CNBD1: variants seen among roughly 807,000 people sequenced by gnomAD.
CNBD1 encodes cyclic nucleotide binding domain containing 1, also known as cyclic nucleotide-binding domain-containing protein 1.
CNBD1 carries 71 observed loss-of-function variants against 54.4 expected under a neutral mutation model. That is an observed-to-expected ratio of 1.30 (90% CI 1.08 to 1.59). The LOEUF (loss-of-function observed/expected upper bound fraction) is 1.59, where lower values mean the gene tolerates loss of function less well. Ranked by LOEUF, CNBD1 falls within the 40% of genes most tolerant of loss-of-function variation. The pLI is 0.00. For missense variants in CNBD1, 659 were observed against 518.0 expected (o/e 1.27, Z -2.64); for synonymous variants, 182 against 170.7 (o/e 1.07, Z -0.51).
At chr8:86,900,318 C>A (rs12681638) in intron 2 of CNBD1, among the ~76,000 whole-genome samples, 1 of 151,850 alleles carries the variant, frequency 6.6e-6, no homozygotes, top group Non-Finnish European at 1.5e-5. Flanking sequence ...AAAAGTTTTT[C>A]CTGAGTCTGT....
At position 87,203,448 on chromosome 8, in the gene CNBD1, T is replaced by C. The variant is rs6984195; in HGVS notation, c.432-2545T>C. Reference sequence around the variant, plus strand: ...AATTTGGCCATTTGATATGCTGCACTTTATCTCTGTGTCAGTTCACTTCCC... The same window carrying C: ...AATTTGGCCATTTGATATGCTGCACCTTATCTCTGTGTCAGTTCACTTCCC... On this transcript the variant is annotated intron_variant, in intron 4 of 10. Transcript: ENST00000518476. Among the ~76,000 whole-genome samples the C allele has an allele frequency of 3.2e-3, 491 of 152,310 alleles. 4 individuals are homozygous for C. The highest frequency in any genetic ancestry group is 0.011 in the African/African-American group (458 of 41,576).
intron 8 of CNBD1, among the ~76,000 whole-genome samples, chr8:87,329,642 A>T (rs370124858): frequency 6.6e-6 from 1 of 152,160 alleles, no homozygotes; most frequent in East Asian, 1.9e-4. Flanking sequence ...TGTTTCATTG[A>T]TGGGAAGTGC....
intron 3 of CNBD1, among the ~76,000 whole-genome samples, chr8:86,925,847 C>T (rs192794414): frequency 1.8e-4 from 27 of 151,934 alleles, no homozygotes; most frequent in African/African-American, 5.6e-4. Flanking sequence ...AATGGAGCCA[C>T]GGAACTTGGC....
intron 4 of CNBD1, among the ~76,000 whole-genome samples, chr8:87,065,484 A>G (rs1233957246): frequency 6.6e-6 from 1 of 151,868 alleles, no homozygotes; most frequent in African/African-American, 2.4e-5. Flanking sequence ...CTAATGTTGG[A>G]TGTAGTCCCT....
intron 1 of CNBD1, among the ~76,000 whole-genome samples, chr8:86,875,557 T>G (rs1448023671): frequency 6.6e-6 from 1 of 152,222 alleles, no homozygotes; most frequent in Non-Finnish European, 1.5e-5. Context: ...AAACACTGAT[T>G]TGTATCTTTC....
rs571775498 is a variant in CNBD1 at position 87,109,355 on chromosome 8, T to G, written c.432-96638T>G. Among the ~76,000 whole-genome samples the G allele has an allele frequency of 2.6e-5, 4 of 152,198 alleles. No homozygotes were observed. The South Asian group carries it at 8.3e-4, about 32-fold the overall frequency. ...GCACCAGATGGATAATATTTTTGTG[T>G]GAGGCAGCTTTGGCACCCTTTGGCT... On this transcript the variant is annotated intron_variant, in intron 4 of 10. Coordinates refer to ENST00000518476, the MANE Select transcript of CNBD1 (RefSeq NM_173538.3).
intron 10 of CNBD1, among the ~76,000 whole-genome samples, chr8:87,381,173 T>C (rs1407431997): frequency 1.3e-5 from 2 of 151,998 alleles, no homozygotes; most frequent in Non-Finnish European, 2.9e-5. Context: ...TATAAGACAA[T>C]ATTCCATTTC....
intron 8 of CNBD1, among the ~76,000 whole-genome samples, chr8:87,303,573 A>T (rs1161655758): frequency 6.6e-6 from 1 of 152,214 alleles, no homozygotes; most frequent in African/African-American, 2.4e-5. Context: ...GGACATAGGC[A>T]TGGGCAAGGT....
At chr8:87,012,316 G>A (rs1422040458) in intron 4 of CNBD1, among the ~76,000 whole-genome samples, 1 of 152,116 alleles carries the variant, frequency 6.6e-6, no homozygotes, top group Non-Finnish European at 1.5e-5. Flanking sequence ...CCAAATTCCT[G>A]CCTAAGAGGT....
chr8:86,924,452 G>A (rs753067047), intron 3 of CNBD1, among the ~76,000 whole-genome samples: 1 of 152,070 alleles, frequency 6.6e-6, no homozygotes, highest in South Asian at 2.1e-4. Context: ...CAAAATCAAA[G>A]ATCCGTTAAA....
intron 10 of CNBD1, among the ~76,000 whole-genome samples, chr8:87,373,121 A>G (rs987154934): frequency 1.3e-5 from 2 of 151,832 alleles, no homozygotes; most frequent in East Asian, 3.9e-4. Context: ...CATAGTTTAC[A>G]TATTTTTAAA....
intron 6 of CNBD1, among the ~76,000 whole-genome samples, chr8:87,283,354 T>C (rs1199738528): frequency 6.6e-6 from 1 of 152,060 alleles, no homozygotes; most frequent in African/African-American, 2.4e-5. Flanking sequence ...CTTCATGGAC[T>C]TCCCTTTATA....
intron 4 of CNBD1, among the ~76,000 whole-genome samples, chr8:87,132,125 G>A (rs778876167): frequency 6.6e-6 from 1 of 151,328 alleles, no homozygotes; most frequent in Non-Finnish European, 1.5e-5. Context: ...AGATTTTTAT[G>A]CCATTTTTTC....
chr8:87,059,332 A>C (rs946411666), intron 4 of CNBD1, among the ~76,000 whole-genome samples: 1 of 151,924 alleles, frequency 6.6e-6, no homozygotes, highest in Non-Finnish European at 1.5e-5. Flanking sequence ...AACTATTTCA[A>C]CCTCTGCCTA....
intron 4 of CNBD1, among the ~76,000 whole-genome samples, chr8:86,957,525 C>G (rs967270417): frequency 4.6e-5 from 7 of 152,122 alleles, no homozygotes; most frequent in African/African-American, 1.7e-4. Flanking sequence ...TTGGTCTATT[C>G]AGGGATTCAA....
In CNBD1 at chr8:87,087,698, C is replaced by T. The variant is rs556070856; in HGVS notation, c.432-118295C>T. On this transcript the variant is annotated intron_variant, in intron 4 of 10. Transcript: ENST00000518476. ...ATCCAGGATGGTCTCGATCCCCTGA[C>T]CTCGTGATCCGCCCGCCTCGGCCTC... Among the ~76,000 whole-genome samples the T allele has an allele frequency of 2.0e-5, 3 of 152,174 alleles. No individual in the cohort carries two copies. The South Asian group carries it at 6.2e-4, about 32-fold the overall frequency.
intron 4 of CNBD1, among the ~76,000 whole-genome samples, chr8:87,191,028 T>C (rs1813600150): frequency 6.6e-6 from 1 of 151,452 alleles, no homozygotes. Context: ...TATAGTTTAT[T>C]AAGGAGAATT....
chr8:87,418,212 T>C (rs746774481), intron 2 of CNBD1, among the ~76,000 whole-genome samples: 9 of 151,942 alleles, frequency 5.9e-5, no homozygotes, highest in Admixed American at 1.3e-4. Context: ...AATAGAATAA[T>C]ATAAGAGTCC....
chr8:87,006,728 G>T (rs1809105446), intron 4 of CNBD1, among the ~76,000 whole-genome samples: 1 of 152,138 alleles, frequency 6.6e-6, no homozygotes, highest in Non-Finnish European at 1.5e-5. Flanking sequence ...TGAGATCTGG[G>T]CAGGGACAGA....
Sources: allele counts gnomAD v4.1 joint callset (sites outside exome capture counted in the v4.1 genomes callset), GRCh38; gene constraint gnomAD v4.1.1; transcripts MANE v1.5; gene names NCBI Gene and HGNC (gene_info 2026-07-23, HGNC 2026-07-21).